Variants in EPHA3 observed in about 807,000 individuals in gnomAD.
EPHA3 encodes the protein EPH receptor A3.
A neutral mutation model predicts 107.1 loss-of-function variants in EPHA3; 42 were observed. The observed-to-expected ratio is 0.39, with a 90% CI of 0.31 to 0.51. The LOEUF is 0.51. Among genes scored for constraint, EPHA3 ranks in the 20% least tolerant of loss-of-function variants. The pLI, the probability that EPHA3 is intolerant of heterozygous loss-of-function variation, is 0.78. For synonymous variants in EPHA3, 461 were observed against 424.8 expected (o/e 1.09, Z -1.05); for missense variants, 1,183 against 1,211.2 (o/e 0.98, Z 0.35).
At chr3:89,348,451 C>T (rs1300634653) in intron 5 of EPHA3, among the ~76,000 whole-genome samples, 16 of 99,490 alleles carry the variant, frequency 1.6e-4, no homozygotes, top group African/African-American at 2.9e-4. Flanking sequence ...TCTGTGGGAT[C>T]GGTGGTGATA....
intron 3 of EPHA3, among the ~76,000 whole-genome samples, chr3:89,236,314 T>C (rs1486380782): frequency 1.3e-5 from 2 of 151,888 alleles, no homozygotes; most frequent in Admixed American, 1.3e-4. Context: ...CTCAAAATAA[T>C]ACAAATATTA....
intron 15 of EPHA3, among the ~76,000 whole-genome samples, chr3:89,470,749 A>G (rs1456389373): frequency 1.3e-5 from 2 of 152,248 alleles, no homozygotes. Context: ...GTACCAGTCA[A>G]GAATGTGGAC....
At position 89,398,572 on chromosome 3, in the gene EPHA3, T is replaced by C. The variant is rs138510103; in HGVS notation, c.1432-746T>C. ...TAAAACCTTGATTTTTTATGTTTAA[T>C]ATTTTAAGGTTGATAAAAAAAAGTT... On this transcript the variant is annotated intron_variant, in intron 6 of 16. Coordinates refer to ENST00000336596, the MANE Select transcript of EPHA3 (RefSeq NM_005233.6). Among the ~76,000 whole-genome samples, 121 of 152,274 alleles carry C rather than the reference T, an allele frequency of 7.9e-4. 1 individual carries two copies. In the East Asian group the frequency reaches 0.023, roughly 29 times the overall value.
chr3:89,481,105 G>A lies in EPHA3; in HGVS notation c.*1603G>A, dbSNP rs1710613616. On this transcript the variant is annotated 3_prime_UTR_variant, in exon 17 of 17. Coordinates refer to ENST00000336596, the MANE Select transcript of EPHA3 (RefSeq NM_005233.6). ...AATGCTGATATGATCTTGAGTATAA[G>A]AAATGCATATGTCACTAGAATGGAT... is the stretch of plus-strand genomic sequence containing the variant. 4.3e-6 allele frequency: 1 copy of A among 231,870 alleles called. No homozygotes were observed. Among genetic ancestry groups the A allele is most frequent in the Admixed American group, 5.6e-5 (1 of 17,734 alleles). The allele number at this position is 231,870 out of a possible 1,614,324, so 14.4% of individuals were successfully genotyped here.
intron 3 of EPHA3, among the ~76,000 whole-genome samples, chr3:89,316,937 A>C (rs1706922808): frequency 6.6e-6 from 1 of 151,710 alleles, no homozygotes; most frequent in Non-Finnish European, 1.5e-5. Context: ...TAAATATATG[A>C]AAATAAGTTC....
chr3:89,244,681 A>C (rs1576260624), intron 3 of EPHA3, among the ~76,000 whole-genome samples: 1 of 152,226 alleles, frequency 6.6e-6, no homozygotes. Context: ...ATATTAAAAT[A>C]TTATTTCAGC....
At position 89,420,486 on chromosome 3, in the gene EPHA3, T is replaced by C. The variant is rs114688027; in HGVS notation, c.2074+1096T>C. Among the ~76,000 whole-genome samples the C allele has an allele frequency of 9.7e-3, 1,467 of 151,644 alleles. 26 individuals carry two copies. The highest frequency in any genetic ancestry group is 0.034 in the African/African-American group (1,403 of 41,468). ...GGAATAGTTCAACATACATTGTAAG[T>C]CCATATTAATTCTTATAAGGCTTTT... On this transcript the variant is annotated intron_variant, in intron 11 of 16. Coordinates refer to ENST00000336596, the MANE Select transcript of EPHA3 (RefSeq NM_005233.6).
At chr3:89,441,888 G>A (rs1709793151) in intron 13 of EPHA3, among the ~76,000 whole-genome samples, 1 of 152,066 alleles carries the variant, frequency 6.6e-6, no homozygotes, top group Non-Finnish European at 1.5e-5. Flanking sequence ...AAAATTTATT[G>A]CCCCAGCTTC....
At chr3:89,111,934 A>G (rs1232230246) in intron 1 of EPHA3, among the ~76,000 whole-genome samples, 1 of 152,122 alleles carries the variant, frequency 6.6e-6, no homozygotes, top group Non-Finnish European at 1.5e-5. Flanking sequence ...ATTTATCAAT[A>G]CAAAACAGTT....
chr3:89,294,768 C>T (rs1157569880), intron 3 of EPHA3, among the ~76,000 whole-genome samples: 1 of 152,154 alleles, frequency 6.6e-6, no homozygotes, highest in Non-Finnish European at 1.5e-5. Flanking sequence ...CCTACTAATG[C>T]TAACATCTAT....
At chr3:89,415,193 G>A (rs1184687697) in intron 10 of EPHA3, among the ~76,000 whole-genome samples, 3 of 151,146 alleles carry the variant, frequency 2.0e-5, no homozygotes, top group African/African-American at 7.3e-5. Flanking sequence ...TTTGTAAAAT[G>A]TAAAATATGT....
chr3:89,229,244 G>A (rs1704570834), intron 3 of EPHA3, among the ~76,000 whole-genome samples: 2 of 151,878 alleles, frequency 1.3e-5, no homozygotes, highest in African/African-American at 4.8e-5. Context: ...TACTAAAATT[G>A]TCAGTGAATA....
intron 2 of EPHA3, among the ~76,000 whole-genome samples, chr3:89,134,684 G>T (rs1197448650): frequency 6.6e-6 from 1 of 152,068 alleles, no homozygotes; most frequent in Non-Finnish European, 1.5e-5. Flanking sequence ...TCAATGGCCG[G>T]TCACTATGCT....
intron 2 of EPHA3, among the ~76,000 whole-genome samples, chr3:89,158,362 A>G (rs1327763212): frequency 6.6e-6 from 1 of 152,066 alleles, no homozygotes; most frequent in Admixed American, 6.6e-5. Flanking sequence ...ATTAGGTGAC[A>G]TTGTCTCTTA....
intron 2 of EPHA3, among the ~76,000 whole-genome samples, chr3:89,154,105 C>G (rs1285210053): frequency 6.6e-6 from 1 of 151,954 alleles, no homozygotes; most frequent in Non-Finnish European, 1.5e-5. Context: ...CTTGATCACT[C>G]TATTTTAAAT....
chr3:89,224,397 A>C (rs1704451458), intron 3 of EPHA3, among the ~76,000 whole-genome samples: 1 of 152,222 alleles, frequency 6.6e-6, no homozygotes, highest in Non-Finnish European at 1.5e-5. Context: ...GGTAACACCA[A>C]ATTTGCCTTG....
At chr3:89,127,147 C>T (rs1428743220) in intron 1 of EPHA3, 62 bp from the exon 2 acceptor site, 1 of 1,321,652 alleles carries the variant, frequency 7.6e-7, no homozygotes, top group East Asian at 2.3e-5. Context: ...GTGAACTCAA[C>T]AGAAGCAAAT....
intron 3 of EPHA3, among the ~76,000 whole-genome samples, chr3:89,285,450 A>G (rs1203338609): frequency 6.6e-6 from 1 of 152,230 alleles, no homozygotes; most frequent in Non-Finnish European, 1.5e-5. Context: ...ATACAACAAA[A>G]TAAATCTATT....
intron 15 of EPHA3, among the ~76,000 whole-genome samples, chr3:89,467,393 A>G (rs1238409065): frequency 6.6e-6 from 1 of 152,178 alleles, no homozygotes. Flanking sequence ...CTCCAATGTT[A>G]TTACCTCCTT....
Sources: allele counts gnomAD v4.1 joint callset (sites outside exome capture counted in the v4.1 genomes callset), GRCh38; gene constraint gnomAD v4.1.1; transcripts MANE v1.5; gene names NCBI Gene and HGNC (gene_info 2026-07-23, HGNC 2026-07-21).